DNAH1: variants seen among roughly 807,000 people sequenced by gnomAD.
DNAH1 encodes the protein dynein axonemal heavy chain 1.
DNAH1 carries 327 observed loss-of-function variants against 484.3 expected under a neutral mutation model. The observed-to-expected ratio is 0.68, with a 90% CI of 0.62 to 0.74. The LOEUF is 0.74. Ranked by LOEUF, DNAH1 falls within the 30% of genes least tolerant of loss-of-function variation. The pLI, the probability that DNAH1 is intolerant of heterozygous loss-of-function variation, is 0.00. For synonymous variants in DNAH1, 2,192 were observed against 2,191.9 expected (o/e 1.00, Z 0.00); for missense variants, 5,052 against 5,546.8 (o/e 0.91, Z 2.83).
chr3:52,339,656 TAG>T (rs1559501890), intron 8 of DNAH1, among the ~76,000 whole-genome samples: 1 of 152,230 alleles, frequency 6.6e-6, no homozygotes, highest in Admixed American at 6.5e-5. Context: ...CTTTTTCTTA[TAG>T]AAGCAAATGT....
At position 52,388,054 on chromosome 3, in the gene DNAH1, C is replaced by T. The variant is rs557472523; in HGVS notation, c.9004-113C>T. ...AAGGAGAAAGAATCTGTACTGAGGC[C>T]TGCACAGGGCATAAAAGCCAGGGTG... On this transcript the variant is annotated intron_variant, in intron 56 of 77. Coordinates refer to ENST00000420323, the MANE Select transcript of DNAH1 (RefSeq NM_015512.5). 61 of 1,365,366 alleles carry T rather than the reference C, an allele frequency of 4.5e-5. No homozygotes were observed. In the South Asian group the frequency reaches 8.3e-4, roughly 19 times the overall value. The allele number at this position is 1,365,366 out of a possible 1,614,324, so 84.6% of individuals were successfully genotyped here.
In DNAH1 at chr3:52,363,125, C is replaced by T. The variant is rs1041733767; in HGVS notation, c.5225C>T (p.Ser1742Phe). The T allele has an allele frequency of 1.2e-6, 2 of 1,613,952 alleles. No homozygotes were observed. Among genetic ancestry groups the T allele is most frequent in the South Asian group, 1.1e-5 (1 of 91,078 alleles). The change falls in exon 32 of 78, where the codon TCT becomes TTT. Residue 1742 changes from serine to phenylalanine, a missense_variant. Transcript: ENST00000420323. ...KKITTTFKLS[S>F]EQLSSQDHYD... ...ATCACAACCACCTTCAAGCTGTCTT[C>T]TGAGCAGCTCAGCTCCCAGGTGTGG...
Position 52,371,880 on chromosome 3 carries a change from G to A in DNAH1, c.6526-66G>A. The A allele has an allele frequency of 5.1e-6, 8 of 1,582,984 alleles. No homozygotes were observed. The South Asian group carries it at 8.2e-5, about 16-fold the overall frequency. On this transcript the variant is annotated intron_variant, in intron 41 of 77. Coordinates refer to ENST00000420323, the MANE Select transcript of DNAH1 (RefSeq NM_015512.5). Reference sequence around the variant, plus strand: ...CCTGGCCCTTCTGCACTTGGCCATGGGGCCGCAGCCAGGAGTGGGGCAGGG... The same window carrying A: ...CCTGGCCCTTCTGCACTTGGCCATGAGGCCGCAGCCAGGAGTGGGGCAGGG...
chr3:52,322,629 C>A lies in DNAH1; in HGVS notation c.187C>A (p.Pro63Thr), dbSNP rs1005140482. 3 of 1,613,776 alleles carry A rather than the reference C, an allele frequency of 1.9e-6. No homozygotes were observed. The highest frequency in any genetic ancestry group is 1.1e-5 in the South Asian group (1 of 91,070). Residue 63 changes from proline (P) to threonine (T), a missense_variant, in exon 2 of 78, where the codon CCC becomes ACC. By Grantham distance (38) the Pro-to-Thr change is conservative (BLOSUM62 -1). Around this residue, in one of 4 missense-constraint regions of DNAH1, gnomAD observed 1,263 missense variants for 1,218.8 expected, o/e 1.04. Transcript: ENST00000420323. ...PALDPKLPHL[P>T]LPPAPPTLSD... is the part of the protein sequence containing the mutation. ...CCTTGACCCCAAGCTCCCACATTTACCCCTGCCCCCGGCCCCACCCACACT... is the reference window on the plus strand; with the variant it reads ...CCTTGACCCCAAGCTCCCACATTTAACCCTGCCCCCGGCCCCACCCACACT...
At chr3:52,311,582 C>A (rs1700755942), upstream of DNAH1, among the ~76,000 whole-genome samples, 1 of 152,186 alleles carries the variant, frequency 6.6e-6, no homozygotes, top group South Asian at 2.1e-4. Flanking sequence ...TTTTCTTTAA[C>A]CTGCCCTCCA....
Position 52,388,408 on chromosome 3 carries a change from C to T in DNAH1, c.9172-10C>T, listed in dbSNP as rs141126342. On this transcript the variant is annotated splice_polypyrimidine_tract_variant and intron_variant, in intron 57 of 77. Transcript: ENST00000420323. ...CTTGGCGAGCTAATCCTGCGCCCTC[C>T]GCCCCACAGCAAGCCCTGCTGGAGG... 6.8e-6 allele frequency: 11 copies of T among 1,607,950 alleles called. No individual in the cohort carries two copies. The highest frequency in any genetic ancestry group is 5.3e-5 in the African/African-American group (4 of 74,972).
rs1020706350 is a variant in DNAH1, at chr3:52,339,171, G to A, written c.1287-5319G>A. ...TCTTTTTATATATTGCTGCTGCTTT[G>A]CGTATCTTTTAATTCAACCAGTTTC... On this transcript the variant is annotated intron_variant, in intron 8 of 77. Transcript: ENST00000420323. Among the ~76,000 whole-genome samples, 9 of 151,964 alleles carry A rather than the reference G, an allele frequency of 5.9e-5. No individual in the cohort carries two copies. In the East Asian group the frequency reaches 1.7e-3, roughly 29 times the overall value.
chr3:52,372,910 T>A lies in DNAH1; in HGVS notation c.6842T>A (p.Phe2281Tyr), dbSNP rs761876553. The A allele has an allele frequency of 1.2e-6, 2 of 1,613,138 alleles. No individual in the cohort carries two copies. Among genetic ancestry groups the A allele is most frequent in the Non-Finnish European group, 8.5e-7 (1 of 1,179,562 alleles). ...CCTCCCCTCAGGCGGAAGGGTGTGTTTGGACCACCTCTGGGGCGCAACTTT... is the reference window on the plus strand; with the variant it reads ...CCTCCCCTCAGGCGGAAGGGTGTGTATGGACCACCTCTGGGGCGCAACTTT... ...SKLDKRRKGV[F>Y]GPPLGRNFIF... is the part of the protein sequence containing the mutation. Residue 2281 changes from phenylalanine to tyrosine, a missense_variant, in exon 44 of 78, where the codon TTT (phenylalanine) becomes TAT (tyrosine). Physicochemically the swap from Phe to Tyr is conservative, Grantham distance 22. Coordinates refer to ENST00000420323, the MANE Select transcript of DNAH1 (RefSeq NM_015512.5).
chr3:52,396,874 A>G lies in DNAH1; in HGVS notation c.11617A>G (p.Lys3873Glu), dbSNP rs1704656140. The G allele has an allele frequency of 6.2e-7, 1 of 1,611,716 alleles. No individual in the cohort carries two copies. The highest frequency in any genetic ancestry group is 1.3e-5 in the African/African-American group (1 of 74,498). ...EYDDIPYKVL[K>E]YTAGEINYGG... ...TCACCCACCCACCCCATAGGTCCTCAAGTACACGGCAGGGGAGATCAATTA... is the reference window on the plus strand; with the variant it reads ...TCACCCACCCACCCCATAGGTCCTCGAGTACACGGCAGGGGAGATCAATTA... Residue 3873 changes from lysine (K) to glutamate (E), a missense_variant, in exon 73 of 78, where the codon AAG (lysine) becomes GAG (glutamate). Coordinates refer to ENST00000420323, the MANE Select transcript of DNAH1 (RefSeq NM_015512.5).
At chr3:52,311,184 C>G in the DNAH1 span, among the ~76,000 whole-genome samples, 1 of 152,170 alleles carries the variant, frequency 6.6e-6, no homozygotes, top group Non-Finnish European at 1.5e-5. Flanking sequence ...ATGGGGGCAC[C>G]AGGAGAGAAA....
At chr3:52,356,441 T>G (rs1702612940) in intron 21 of DNAH1, among the ~76,000 whole-genome samples, 173 bp from the exon 22 acceptor site, 1 of 152,200 alleles carries the variant, frequency 6.6e-6, no homozygotes, top group South Asian at 2.1e-4. Flanking sequence ...CTTTGTTCCC[T>G]GGAGTATCAC....
At chr3:52,372,846 A>G (rs1703404462) in intron 43 of DNAH1, 50 bp from the exon 44 acceptor site, 5 of 1,569,730 alleles carry the variant, frequency 3.2e-6, no homozygotes, top group African/African-American at 2.7e-5. Flanking sequence ...CTGGATTCTC[A>G]GAGGACCTGG....
In DNAH1 at chr3:52,395,973, CTG is replaced by C. The variant is rs1229491028; in HGVS notation, c.11259+297_11259+298del. ...TTTTTTTTTCAGACGGAGTCTCACTCTGTCACCGGGGCTGGGGTGCAGTGGTG... is the reference window on the plus strand; with the variant it reads ...TTTTTTTTTCAGACGGAGTCTCACTCTCACCGGGGCTGGGGTGCAGTGGTG... On this transcript the variant is annotated intron_variant, in intron 70 of 77. Coordinates refer to ENST00000420323, the MANE Select transcript of DNAH1 (RefSeq NM_015512.5). The surrounding 1 kb of genome is among the most constrained non-coding windows in gnomAD (Gnocchi z 4.4). 1.4e-5 allele frequency among the ~76,000 whole-genome samples: 2 copies of C among 147,932 alleles called. No homozygotes were observed. Among genetic ancestry groups the C allele is most frequent in the Non-Finnish European group, 3.0e-5 (2 of 67,340 alleles).
chr3:52,361,634 C>A lies in DNAH1; in HGVS notation c.4875-27C>A. 1 of 1,576,284 alleles carries A rather than the reference C, an allele frequency of 6.3e-7. No individual in the cohort carries two copies. Among genetic ancestry groups the A allele is most frequent in the East Asian group, 2.3e-5 (1 of 42,846 alleles). On this transcript the variant is annotated intron_variant, in intron 29 of 77. Transcript: ENST00000420323. The surrounding 1 kb of genome is among the most constrained non-coding windows in gnomAD (Gnocchi z 5.6). Reference sequence around the variant, plus strand: ...CAGATTGGGCTCTGAACACATGTGCCCCATCCAATGTTCCGGCCTCACTCA... The same window carrying A: ...CAGATTGGGCTCTGAACACATGTGCACCATCCAATGTTCCGGCCTCACTCA...
In DNAH1 at chr3:52,378,735, C is replaced by A; in HGVS notation, c.7332C>A (p.Ser2444=). 2 of 1,613,814 alleles carry A rather than the reference C, an allele frequency of 1.2e-6. No homozygotes were observed. Among genetic ancestry groups the A allele is most frequent in the East Asian group, 4.5e-5 (2 of 44,882 alleles). The part of the protein sequence containing the change: ...SHYTFNLRDL[S]KVFQGMLMAD... ...ACACCTTCAACCTGAGGGACCTCTCCAAGGTCTTCCAAGGCATGCTCATGG... is the reference window on the plus strand; with the variant it reads ...ACACCTTCAACCTGAGGGACCTCTCAAAGGTCTTCCAAGGCATGCTCATGG... Residue 2444 remains serine, a synonymous_variant, in exon 47 of 78, where the codon TCC becomes TCA. Transcript: ENST00000420323.
Position 52,392,687 on chromosome 3 carries a change from C to T in DNAH1, c.10276C>T (p.Gln3426Ter). ...EASKMKAAEI[Q>*]AKVRIAEQTE... ...CTCCAAGATGAAGGCTGCTGAGATC[C>T]AGGTCAGCTGCTGCCTGCCCACCCA... The change falls in exon 64 of 78, where the codon CAG becomes TAG. Residue 3426 changes from glutamine (Q) to a stop codon, truncating the protein, a stop_gained and splice_region_variant. Coordinates refer to ENST00000420323, the MANE Select transcript of DNAH1 (RefSeq NM_015512.5). LOFTEE classifies it high-confidence loss of function. The T allele has an allele frequency of 3.1e-6, 5 of 1,596,836 alleles. No individual in the cohort carries two copies. The highest frequency in any genetic ancestry group is 4.3e-6 in the Non-Finnish European group (5 of 1,171,608).
At chr3:52,315,358 T>G (rs983322401), upstream of DNAH1, among the ~76,000 whole-genome samples, 3 of 152,258 alleles carry the variant, frequency 2.0e-5, no homozygotes, top group Non-Finnish European at 4.4e-5. Context: ...GGGCCCATTC[T>G]GCTGCCCATT....
intron 22 of DNAH1, 108 bp downstream of exon 22, chr3:52,356,886 C>T (rs927472705): frequency 1.5e-6 from 2 of 1,358,328 alleles, no homozygotes; most frequent in Non-Finnish European, 2.0e-6. Flanking sequence ...GGCTGGTGGA[C>T]AAGCCTGAGG....
At position 52,391,069 on chromosome 3, in the gene DNAH1, C is replaced by G; in HGVS notation, c.9741+15C>G. On this transcript the variant is annotated intron_variant, in intron 61 of 77. Transcript: ENST00000420323. Reference sequence around the variant, plus strand: ...TCAAGAACATGGTGAGCCCACCCACCAGGCACCACCACCCCACCCCAGCCA... The same window carrying G: ...TCAAGAACATGGTGAGCCCACCCACGAGGCACCACCACCCCACCCCAGCCA... 6.3e-7 allele frequency: 1 copy of G among 1,576,088 alleles called. No individual in the cohort carries two copies. Among genetic ancestry groups the G allele is most frequent in the Non-Finnish European group, 8.6e-7 (1 of 1,160,758 alleles).
Sources: gnomAD v4.1 joint callset for allele counts (sites outside exome capture counted in the v4.1 genomes callset) on GRCh38, gnomAD v4.1.1 for gene constraint, gnomAD v4.1.1 regional missense constraint, Gnocchi (gnomAD v3.1) non-coding constraint, MANE v1.5 for transcripts, NCBI Gene and HGNC (gene_info 2026-07-23, HGNC 2026-07-21) for gene names.